Variants in DGKI observed in about 807,000 individuals in gnomAD.
DGKI encodes diacylglycerol kinase iota.
DGKI carries 55 observed loss-of-function variants against 147.5 expected under a neutral mutation model. The ratio of observed to expected loss-of-function variants is 0.37; its 90% CI spans 0.30 to 0.47. The LOEUF is 0.47. DGKI is among the 20% of genes least tolerant of loss of function. The pLI, the probability that DGKI is intolerant of heterozygous loss-of-function variation, is 1.00. For missense variants in DGKI, 1,007 were observed against 1,323.8 expected, an observed-to-expected ratio of 0.76 and a Z score of 3.71; for synonymous variants, 469 against 477.1, an observed-to-expected ratio of 0.98 and a Z score of 0.22.
At chr7:137,779,436 AT>A in intron 1 of DGKI, among the ~76,000 whole-genome samples, 1 of 152,214 alleles carries the variant, frequency 6.6e-6, no homozygotes, top group Non-Finnish European at 1.5e-5. Context: ...ATAAGTAAAG[AT>A]TTCTCAGAAG....
At chr7:137,444,867 C>G (rs918569816) in intron 27 of DGKI, among the ~76,000 whole-genome samples, 4 of 152,190 alleles carry the variant, frequency 2.6e-5, no homozygotes, top group African/African-American at 7.2e-5. Context: ...AGCTTGAAGA[C>G]TACGGCTTTG....
Position 137,487,584 on chromosome 7 carries a change from ATAAAAAATTGGC to A in DGKI, c.2328+14_2328+25del, listed in dbSNP as rs1563049240. Reference sequence around the variant, plus strand: ...TTACAAAAATGGAAAGTTGAGGAGAATAAAAAATTGGCTAAATAAACTCACCTCCTGTAGGCG... The same window carrying A: ...TTACAAAAATGGAAAGTTGAGGAGAATAAATAAACTCACCTCCTGTAGGCG... On this transcript the variant is annotated intron_variant, in intron 22 of 32. Coordinates refer to ENST00000614521, the MANE Select transcript of DGKI (RefSeq NM_001321708.2). 6.3e-7 allele frequency: 1 copy of A among 1,597,706 alleles called. No individual in the cohort carries two copies. Among genetic ancestry groups the A allele is most frequent in the Non-Finnish European group, 8.6e-7 (1 of 1,165,690 alleles).
chr7:137,648,049 C>T (rs1821891512), intron 5 of DGKI, among the ~76,000 whole-genome samples: 1 of 147,220 alleles, frequency 6.8e-6, no homozygotes, highest in Admixed American at 6.6e-5. Context: ...AAACAGGGCT[C>T]ACGCTATTCA....
rs113023130 is a variant in DGKI, at chr7:137,718,944, G to A, written c.402-28942C>T. 6.9e-3 allele frequency among the ~76,000 whole-genome samples: 1,056 copies of A among 152,172 alleles called. 7 individuals are homozygous for A. Among genetic ancestry groups the A allele is most frequent in the African/African-American group, 0.024 (1,000 of 41,496 alleles). Reference sequence around the variant, plus strand: ...GGACTTCTGTGTAAAATATACAAGGGGCACGGTCTTTCACGCCATCGATAT... The same window carrying A: ...GGACTTCTGTGTAAAATATACAAGGAGCACGGTCTTTCACGCCATCGATAT... On this transcript the variant is annotated intron_variant, in intron 1 of 32. Transcript: ENST00000614521.
chr7:137,392,622 C>T (rs994213900), intron 32 of DGKI, among the ~76,000 whole-genome samples: 5 of 152,276 alleles, frequency 3.3e-5, no homozygotes, highest in African/African-American at 1.2e-4. Flanking sequence ...TAAAATGTTA[C>T]TTATTCACTT....
intron 2 of DGKI, among the ~76,000 whole-genome samples, chr7:137,688,962 T>C (rs1045691144): frequency 9.2e-5 from 14 of 152,164 alleles, no homozygotes; most frequent in African/African-American, 1.7e-4. Flanking sequence ...AGCATTTACA[T>C]TGGTATGCAT....
intron 1 of DGKI, among the ~76,000 whole-genome samples, chr7:137,776,376 T>C (rs1274003557): frequency 2.0e-5 from 3 of 152,220 alleles, no homozygotes; most frequent in African/African-American, 7.2e-5. Flanking sequence ...ACCTCTAACA[T>C]AGATCACCTG....
intron 13 of DGKI, 72 bp downstream of exon 13, chr7:137,587,025 T>C: frequency 1.8e-6 from 2 of 1,128,526 alleles, no homozygotes; most frequent in South Asian, 2.0e-5. Flanking sequence ...CCCTCTTCCA[T>C]TAGAACATCA....
At chr7:137,547,525 T>G (rs552665075) in intron 20 of DGKI, among the ~76,000 whole-genome samples, 2 of 152,288 alleles carry the variant, frequency 1.3e-5, no homozygotes, top group East Asian at 3.9e-4. Context: ...CCAAAACACA[T>G]TTGATATTAG....
Position 137,585,260 on chromosome 7 carries a change from C to T in DGKI, c.1512G>A (p.Val504=), listed in dbSNP as rs777866513. The T allele has an allele frequency of 2.5e-6, 4 of 1,614,002 alleles. No homozygotes were observed. The highest frequency in any genetic ancestry group is 3.4e-6 in the Non-Finnish European group (4 of 1,180,022). ...VVQLDRWNLH[V]ERNPDLPPEE... is the part of the protein sequence containing the mutation. ...CTGGAGGCAAGTCGGGGTTTCTTTC[C>T]ACATGGAGGTTCCAGCGATCTAGCT... The change falls in exon 14 of 33, where the codon GTG becomes GTA. Residue 504 remains valine (V), a synonymous_variant. Transcript: ENST00000614521.
rs747345722 is a variant in DGKI at position 137,387,949 on chromosome 7, A to C, written c.*3271T>G. On this transcript the variant is annotated 3_prime_UTR_variant, in exon 33 of 33. Transcript: ENST00000614521. ...ACTAGGTCCAGATGAAAATGAAGTG[A>C]TGTTGAGTAGCTCCCAGCACAGGCA... 6.6e-6 allele frequency: 1 copy of C among 152,206 alleles called. No homozygotes were observed. Among genetic ancestry groups the C allele is most frequent in the Non-Finnish European group, 1.5e-5 (1 of 68,040 alleles). 9.4% of individuals were successfully genotyped at this position (152,206 alleles called of 1,614,324 possible). A position where few individuals can be genotyped will look rare whatever the true frequency, so the allele number is the denominator to read the frequency against.
chr7:137,821,440 A>G (rs1328446763), intron 1 of DGKI, among the ~76,000 whole-genome samples: 1 of 152,180 alleles, frequency 6.6e-6, no homozygotes, highest in Non-Finnish European at 1.5e-5. Flanking sequence ...AAAACTCTTA[A>G]AAGTCCTTTA....
chr7:137,566,765 A>T (rs754176438), intron 19 of DGKI, among the ~76,000 whole-genome samples: 13 of 152,092 alleles, frequency 8.5e-5, no homozygotes, highest in Non-Finnish European at 1.8e-4. Flanking sequence ...CCTCTCCAAA[A>T]CAATCTCTCC....
intron 1 of DGKI, among the ~76,000 whole-genome samples, chr7:137,697,086 C>A (rs1388357748): frequency 6.6e-6 from 1 of 152,174 alleles, no homozygotes; most frequent in African/African-American, 2.4e-5. Flanking sequence ...ACATTTTGAT[C>A]ATAGACTTTC....
intron 32 of DGKI, among the ~76,000 whole-genome samples, chr7:137,392,701 A>T (rs967423810): frequency 6.6e-6 from 1 of 152,182 alleles, no homozygotes; most frequent in Non-Finnish European, 1.5e-5. Flanking sequence ...TTGCAGCCTT[A>T]GTAGATAATT....
chr7:137,571,820 A>C (rs1397805817), intron 18 of DGKI, among the ~76,000 whole-genome samples: 1 of 152,182 alleles, frequency 6.6e-6, no homozygotes, highest in African/African-American at 2.4e-5. Context: ...TAGAGGAAGA[A>C]GAATACAGAT....
intron 6 of DGKI, among the ~76,000 whole-genome samples, chr7:137,628,958 G>A (rs1301800442): frequency 6.6e-6 from 1 of 152,042 alleles, no homozygotes; most frequent in Non-Finnish European, 1.5e-5. Flanking sequence ...ACTTTGTTTG[G>A]GGTGAGAGAA....
intron 27 of DGKI, 119 bp from the exon 28 acceptor site, chr7:137,444,221 C>G: frequency 1.6e-6 from 1 of 617,548 alleles, no homozygotes; most frequent in East Asian, 3.3e-5. Context: ...ATATAGTAGA[C>G]AGTGTAATTA....
At chr7:137,652,466 T>G (rs1038547877) in intron 5 of DGKI, among the ~76,000 whole-genome samples, 12 of 152,184 alleles carry the variant, frequency 7.9e-5, no homozygotes, top group African/African-American at 2.9e-4. Context: ...ATAAACTCCA[T>G]CTTAACTTGA....
Sources: allele counts gnomAD v4.1 joint callset (sites outside exome capture counted in the v4.1 genomes callset), GRCh38; gene constraint gnomAD v4.1.1; transcripts MANE v1.5; gene names NCBI Gene and HGNC (gene_info 2026-07-23, HGNC 2026-07-21).